Variants in SHTN1 observed in about 807,000 individuals in gnomAD.
SHTN1 encodes shootin-1.
A neutral mutation model predicts 83.1 loss-of-function variants in SHTN1; 42 were observed. The observed-to-expected ratio is 0.51, with a 90% CI of 0.39 to 0.65. The LOEUF is 0.65. Ranked by LOEUF, SHTN1 falls within the 30% of genes least tolerant of loss-of-function variation. The probability of loss-of-function intolerance (pLI) is 0.00; values close to 1 mark genes in which losing one functional copy is unlikely to be tolerated. For synonymous variants in SHTN1, 224 were observed against 247.7 expected (o/e 0.90, Z 0.90); for missense variants, 622 against 737.8 (o/e 0.84, Z 1.82).
At chr10:117,105,971 G>A (rs1201026287) in intron 1 of SHTN1, among the ~76,000 whole-genome samples, 1 of 151,866 alleles carries the variant, frequency 6.6e-6, no homozygotes, top group Admixed American at 6.6e-5. Context: ...CCATGTTCAC[G>A]CCACTGCACT....
chr10:116,889,760 G>C (rs1046178479), intron 16 of SHTN1, among the ~76,000 whole-genome samples: 2 of 152,198 alleles, frequency 1.3e-5, no homozygotes, highest in African/African-American at 4.8e-5. Context: ...CATGTTTACT[G>C]ATTTCATTCT....
At chr10:117,121,512 G>A (rs1394656738) in intron 1 of SHTN1, among the ~76,000 whole-genome samples, 3 of 151,452 alleles carry the variant, frequency 2.0e-5, no homozygotes, top group Non-Finnish European at 2.9e-5. Context: ...CCCAGAGACG[G>A]AGGTTGCAGT....
At chr10:116,889,155 G>A (rs974594919) in intron 16 of SHTN1, among the ~76,000 whole-genome samples, 1 of 152,224 alleles carries the variant, frequency 6.6e-6, no homozygotes, top group Non-Finnish European at 1.5e-5. Context: ...TGTAGGTGAA[G>A]GGGTGGTGCA....
intron 2 of SHTN1, among the ~76,000 whole-genome samples, chr10:116,976,520 C>T (rs994743311): frequency 4.6e-5 from 7 of 152,142 alleles, no homozygotes; most frequent in Non-Finnish European, 1.0e-4. Flanking sequence ...TGTCCCTGAA[C>T]GATTTAACTG....
At chr10:117,113,504 C>T (rs576847545) in intron 1 of SHTN1, among the ~76,000 whole-genome samples, 1 of 152,316 alleles carries the variant, frequency 6.6e-6, no homozygotes, top group South Asian at 2.1e-4. Flanking sequence ...TCCTGCTACT[C>T]CTTTCTCTCA....
chr10:116,966,267 CA>C (rs1422466432), intron 3 of SHTN1, among the ~76,000 whole-genome samples: 1 of 152,170 alleles, frequency 6.6e-6, no homozygotes, highest in African/African-American at 2.4e-5. Context: ...CTCGGCCTCC[CA>C]AAGTGCTGCG....
At chr10:116,920,437 T>G (rs2133362858) in intron 12 of SHTN1, among the ~76,000 whole-genome samples, 1 of 152,172 alleles carries the variant, frequency 6.6e-6, no homozygotes, top group African/African-American at 2.4e-5. Context: ...TGAACCAGAG[T>G]CCTGTGAATT....
intron 16 of SHTN1, among the ~76,000 whole-genome samples, chr10:116,893,576 G>GCACGCACACACA (rs1554905665): frequency 1.6e-5 from 2 of 123,524 alleles, no homozygotes; most frequent in Admixed American, 8.5e-5. Context: ...GCACTCATGT[G>GCACGCACACACA]CACACACACA....
intron 1 of SHTN1, among the ~76,000 whole-genome samples, chr10:116,986,480 G>T (rs1589870736): frequency 6.6e-6 from 1 of 152,056 alleles, no homozygotes; most frequent in African/African-American, 2.4e-5. Flanking sequence ...TGTCCAGGGG[G>T]ACATAGCCTT....
At chr10:117,013,646 C>A (rs930418313) in intron 2 of SHTN1, among the ~76,000 whole-genome samples, 2 of 152,160 alleles carry the variant, frequency 1.3e-5, no homozygotes, top group East Asian at 3.8e-4. Context: ...GCAACAGTAA[C>A]CCTCTTTAAT....
At chr10:116,951,527 G>A (rs1849777828) in intron 6 of SHTN1, among the ~76,000 whole-genome samples, 1 of 152,226 alleles carries the variant, frequency 6.6e-6, no homozygotes, top group Non-Finnish European at 1.5e-5. Flanking sequence ...CAGAGGGACA[G>A]TCCTTCCCAA....
chr10:116,927,971 A>C, intron 10 of SHTN1, 80 bp from the exon 11 acceptor site: 1 of 1,497,400 alleles, frequency 6.7e-7, no homozygotes, highest in Non-Finnish European at 9.1e-7. Context: ...AAAGAACATA[A>C]CCTTTCTCAA....
chr10:116,958,144 T>A (rs981723897), intron 4 of SHTN1, among the ~76,000 whole-genome samples: 28 of 152,086 alleles, frequency 1.8e-4, no homozygotes, highest in African/African-American at 6.8e-4. Flanking sequence ...TGGCAAAAAT[T>A]TAGAAAAATA....
intron 1 of SHTN1, among the ~76,000 whole-genome samples, chr10:117,102,041 G>A (rs1162348909): frequency 6.7e-6 from 1 of 148,322 alleles, no homozygotes; most frequent in Non-Finnish European, 1.5e-5. Context: ...AAGAAGTAAA[G>A]CCATCAAAAA....
intron 1 of SHTN1, among the ~76,000 whole-genome samples, chr10:116,990,096 A>G (rs1352943491): frequency 6.6e-6 from 1 of 152,020 alleles, no homozygotes; most frequent in Non-Finnish European, 1.5e-5. Flanking sequence ...GAAGGTAAAA[A>G]TTTTTCCTTG....
chr10:116,897,598 C>T (rs1213858643), intron 16 of SHTN1, among the ~76,000 whole-genome samples: 1 of 152,132 alleles, frequency 6.6e-6, no homozygotes, highest in Non-Finnish European at 1.5e-5. Context: ...ATTATCCCAG[C>T]AATATAATTG....
chr10:117,014,910 G>T (rs1589896104), intron 2 of SHTN1, among the ~76,000 whole-genome samples: 2 of 152,206 alleles, frequency 1.3e-5, no homozygotes, highest in Admixed American at 6.5e-5. Flanking sequence ...GTGAACATAG[G>T]CATCATAAAG....
At chr10:117,049,131 A>C (rs1343511978) in intron 1 of SHTN1, among the ~76,000 whole-genome samples, 2 of 152,202 alleles carry the variant, frequency 1.3e-5, no homozygotes, top group Non-Finnish European at 2.9e-5. Context: ...ATTGTATCAC[A>C]AAAGAGTGAT....
intron 2 of SHTN1, among the ~76,000 whole-genome samples, chr10:117,014,818 C>T (rs1409319831): frequency 6.6e-6 from 1 of 152,014 alleles, no homozygotes; most frequent in Non-Finnish European, 1.5e-5. Context: ...AAAATAGTAC[C>T]ATAGTTTTAT....
Sources: gnomAD v4.1 joint callset for allele counts (sites outside exome capture counted in the v4.1 genomes callset) on GRCh38, gnomAD v4.1.1 for gene constraint, MANE v1.5 for transcripts, NCBI Gene and HGNC (gene_info 2026-07-23, HGNC 2026-07-21) for gene names.